RPH3A: variants seen among roughly 807,000 people sequenced by gnomAD.
RPH3A encodes the protein rabphilin-3A.
In RPH3A, 48 loss-of-function variants were observed where a neutral mutation model predicts 102.2. The ratio of observed to expected loss-of-function variants is 0.47; its 90% confidence interval spans 0.37 to 0.60. RPH3A has a LOEUF of 0.60. Among genes scored for constraint, RPH3A ranks in the 20% least tolerant of loss-of-function variants. RPH3A has a pLI of 0.00. For missense variants in RPH3A, 781 were observed against 910.1 expected, an observed-to-expected ratio of 0.86 and a Z score of 1.83; for synonymous variants, 310 against 324.3, an observed-to-expected ratio of 0.96 and a Z score of 0.47.
intron 2 of RPH3A, among the ~76,000 whole-genome samples, chr12:112,800,271 G>C (rs936739587): frequency 6.6e-6 from 1 of 152,176 alleles, no homozygotes; most frequent in Non-Finnish European, 1.5e-5. Context: ...TGAGTAGATG[G>C]TGAAGGGAGG....
chr12:112,896,248 A>AG (rs1239509059), intron 21 of RPH3A, among the ~76,000 whole-genome samples: 1 of 152,172 alleles, frequency 6.6e-6, no homozygotes, highest in African/African-American at 2.4e-5. Flanking sequence ...AAGATGAAGC[A>AG]GGGGGGTGGG....
At chr12:112,634,669 T>G (rs1054777574) in intron 1 of RPH3A, among the ~76,000 whole-genome samples, 2 of 152,230 alleles carry the variant, frequency 1.3e-5, no homozygotes, top group African/African-American at 4.8e-5. Context: ...CCATCTGTAG[T>G]ACACCAGATG....
chr12:112,595,204 T>C (rs1173434779), intron 1 of RPH3A, among the ~76,000 whole-genome samples: 1 of 152,218 alleles, frequency 6.6e-6, no homozygotes, highest in Non-Finnish European at 1.5e-5. Context: ...AGTTAATTCA[T>C]GAAAAAGCTC....
chr12:112,808,030 T>A (rs2041502405), intron 2 of RPH3A, among the ~76,000 whole-genome samples: 2 of 152,198 alleles, frequency 1.3e-5, no homozygotes, highest in African/African-American at 4.8e-5. Context: ...ATGGAGTAGG[T>A]GCTCAGTAAG....
At chr12:112,895,935 T>C in intron 21 of RPH3A, 62 bp downstream of exon 21, 2 of 1,131,888 alleles carry the variant, frequency 1.8e-6, no homozygotes, top group Non-Finnish European at 2.7e-6. Flanking sequence ...AGGAGAGCCT[T>C]ATCCAGGGCT....
intron 1 of RPH3A, among the ~76,000 whole-genome samples, chr12:112,737,308 T>C (rs909577811): frequency 6.6e-6 from 1 of 152,066 alleles, no homozygotes; most frequent in Non-Finnish European, 1.5e-5. Context: ...GAATCTTGAG[T>C]CCATGGCTCA....
chr12:112,843,001 ATAG>A (rs142651300), intron 4 of RPH3A, among the ~76,000 whole-genome samples: 6,550 of 152,260 alleles, frequency 0.043, 481 homozygotes, highest in African/African-American at 0.15. Flanking sequence ...AAATTGGCAC[ATAG>A]TAGGCCCTCT....
intron 5 of RPH3A, among the ~76,000 whole-genome samples, chr12:112,852,840 G>A (rs1178769194): frequency 6.6e-6 from 1 of 152,210 alleles, no homozygotes; most frequent in Non-Finnish European, 1.5e-5. Flanking sequence ...GCATTGGTAA[G>A]GCCCTCTTTA....
At chr12:112,671,318 A>G (rs1387492704) in intron 1 of RPH3A, among the ~76,000 whole-genome samples, 1 of 152,194 alleles carries the variant, frequency 6.6e-6, no homozygotes, top group African/African-American at 2.4e-5. Flanking sequence ...AATCACCAGG[A>G]TTCCAGGCAC....
At chr12:112,676,717 T>C (rs232930) in intron 1 of RPH3A, among the ~76,000 whole-genome samples, 151,979 of 152,280 alleles carry the variant, frequency 1, 75,839 homozygotes, top group Middle Eastern at 1. Flanking sequence ...GCTTGGAGAA[T>C]GCCAGGCCCG....
At chr12:112,829,024 G>T (rs1440775358) in intron 3 of RPH3A, among the ~76,000 whole-genome samples, 1 of 152,134 alleles carries the variant, frequency 6.6e-6, no homozygotes. Flanking sequence ...ATCATTCCTT[G>T]TTGGTCTCTA....
At chr12:112,896,508 C>T (rs909605201) in intron 21 of RPH3A, 142 bp from the exon 22 acceptor site, 8 of 911,724 alleles carry the variant, frequency 8.8e-6, no homozygotes, top group East Asian at 4.9e-5. Flanking sequence ...ACAGCAGCAA[C>T]GTTATAACAA....
intron 5 of RPH3A, among the ~76,000 whole-genome samples, chr12:112,860,001 G>A (rs1038676306): frequency 3.3e-5 from 5 of 152,346 alleles, no homozygotes; most frequent in African/African-American, 9.6e-5. Context: ...GACATGCAGT[G>A]AGGGTAGAGA....
chr12:112,878,005 C>T (rs1322030476), intron 13 of RPH3A, among the ~76,000 whole-genome samples: 2 of 152,204 alleles, frequency 1.3e-5, no homozygotes, highest in African/African-American at 4.8e-5. Flanking sequence ...CTTGTCCAAG[C>T]TCATCCAGTC....
rs1323292747 is a variant in RPH3A at position 112,584,274 on chromosome 12, TG to T, written c.-140+8957del. Among the ~76,000 whole-genome samples, 13 of 152,274 alleles carry T rather than the reference TG, an allele frequency of 8.5e-5. No homozygotes were observed. The East Asian group carries it at 2.5e-3, about 29-fold the overall frequency. The stretch of plus-strand genomic sequence containing the variant: ...ACAAAAGAATAGAGTTAAGAATATC[TG>T]GACACCACAGGGAACCCAAGAGCAG... On this transcript the variant is annotated intron_variant, in intron 1 of 21. Coordinates refer to the RPH3A transcript ENST00000543106.
chr12:112,767,123 C>A (rs373110722), intron 1 of RPH3A, among the ~76,000 whole-genome samples: 135 of 152,276 alleles, frequency 8.9e-4, no homozygotes, highest in African/African-American at 3.1e-3. Flanking sequence ...AAGACAGGGG[C>A]CCCACAGCTT....
At chr12:112,646,569 A>G (rs1021698670) in intron 1 of RPH3A, among the ~76,000 whole-genome samples, 3 of 152,186 alleles carry the variant, frequency 2.0e-5, no homozygotes, top group African/African-American at 4.8e-5. Context: ...TCTCATGGCC[A>G]GTACATCACC....
At chr12:112,878,480 G>GA (rs995311370) in intron 13 of RPH3A, among the ~76,000 whole-genome samples, 25 of 151,118 alleles carry the variant, frequency 1.7e-4, no homozygotes, top group East Asian at 1.2e-3. Context: ...GGATATCATG[G>GA]AAAAAAAAAG....
chr12:112,605,800 AGAGGCAGTGGG>A, intron 1 of RPH3A, among the ~76,000 whole-genome samples: 1 of 152,390 alleles, frequency 6.6e-6, no homozygotes, highest in African/African-American at 2.4e-5. Context: ...GTGTCAACCA[AGAGGCAGTGGG>A]CTCTGAGTGA....
Sources: allele counts gnomAD v4.1 joint callset (sites outside exome capture counted in the v4.1 genomes callset), GRCh38; gene constraint gnomAD v4.1.1; transcripts MANE v1.5; gene names NCBI Gene and HGNC (gene_info 2026-07-23, HGNC 2026-07-21).